NCMAP: variants seen among roughly 807,000 people sequenced by gnomAD.
The protein encoded by NCMAP is non-compact myelin associated protein.
Under a neutral mutation model 7.8 loss-of-function variants are expected in NCMAP, and 8 were observed. That is an observed-to-expected ratio of 1.02 (90% CI 0.60 to 1.84). NCMAP has a LOEUF of 1.84. Ranked by LOEUF, NCMAP falls within the 40% of genes most tolerant of loss-of-function variation. NCMAP has a pLI of 0.00. For missense variants in NCMAP, 112 were observed against 131.4 expected, an observed-to-expected ratio of 0.85 and a Z score of 0.72; for synonymous variants, 41 against 52.9, an observed-to-expected ratio of 0.78 and a Z score of 0.98.
At chr1:24,578,660 T>C (rs1238396220) in intron 1 of NCMAP, among the ~76,000 whole-genome samples, 1 of 149,048 alleles carries the variant, frequency 6.7e-6, no homozygotes, top group Non-Finnish European at 1.5e-5. Context: ...CGTCCTGGGC[T>C]CAAGTGATCC....
rs1652819523 is a variant in NCMAP, at chr1:24,607,988, CT to C, written c.*2242del. The C allele has an allele frequency of 6.6e-6, 1 of 152,224 alleles. No homozygotes were observed. The highest frequency in any genetic ancestry group is 1.9e-4 in the East Asian group (1 of 5,194). The allele number at this position is 152,224 out of a possible 1,614,324, so 9.4% of individuals were successfully genotyped here. Reference sequence around the variant, plus strand: ...TCTGTGGAATAGCTCTGGAGAAATACTGGCACATTCTTCCTCTCTGGTCATT... The same window carrying C: ...TCTGTGGAATAGCTCTGGAGAAATACGGCACATTCTTCCTCTCTGGTCATT... On this transcript the variant is annotated 3_prime_UTR_variant, in exon 4 of 4. Coordinates refer to ENST00000374392, the MANE Select transcript of NCMAP (RefSeq NM_001010980.5).
chr1:24,567,460 C>G (rs1169461894), intron 1 of NCMAP, among the ~76,000 whole-genome samples: 2 of 152,154 alleles, frequency 1.3e-5, no homozygotes, highest in African/African-American at 4.8e-5. Context: ...CACTAGGGCC[C>G]AGGCATTCTG....
chr1:24,579,055 G>T (rs1183412589), intron 1 of NCMAP, among the ~76,000 whole-genome samples: 2 of 152,104 alleles, frequency 1.3e-5, no homozygotes, highest in Non-Finnish European at 2.9e-5. Context: ...GCGGACCTCG[G>T]CATCTTCTTG....
intron 1 of NCMAP, among the ~76,000 whole-genome samples, chr1:24,593,783 A>G (rs1652123681): frequency 6.6e-6 from 1 of 152,008 alleles, no homozygotes; most frequent in South Asian, 2.1e-4. Flanking sequence ...AGCTGGAGTA[A>G]AAGTGCCACT....
chr1:24,603,990 G>A (rs1469836886), intron 3 of NCMAP, among the ~76,000 whole-genome samples: 1 of 152,202 alleles, frequency 6.6e-6, no homozygotes, highest in Non-Finnish European at 1.5e-5. Flanking sequence ...TCTGGCAAGG[G>A]CCTTCTTGCT....
intron 1 of NCMAP, among the ~76,000 whole-genome samples, chr1:24,556,381 G>C (rs1557589727): frequency 6.6e-6 from 1 of 152,180 alleles, no homozygotes; most frequent in African/African-American, 2.4e-5. Flanking sequence ...GGTGGTGGGA[G>C]GGAGGCTGAT....
chr1:24,600,597 T>C (rs745937481), intron 2 of NCMAP, among the ~76,000 whole-genome samples: 5 of 152,230 alleles, frequency 3.3e-5, no homozygotes, highest in Non-Finnish European at 7.3e-5. Context: ...TCTACAAAAA[T>C]CACATGCTAC....
chr1:24,586,613 T>C (rs1204184005), intron 1 of NCMAP, among the ~76,000 whole-genome samples: 1 of 152,046 alleles, frequency 6.6e-6, no homozygotes, highest in Non-Finnish European at 1.5e-5. Flanking sequence ...ATGCAAAAAT[T>C]AGCTGGGCGT....
At chr1:24,581,848 G>A (rs1651756904) in intron 1 of NCMAP, among the ~76,000 whole-genome samples, 1 of 152,218 alleles carries the variant, frequency 6.6e-6, no homozygotes, top group Non-Finnish European at 1.5e-5. Context: ...ATTTGAGATT[G>A]GTTATGAGTT....
intron 3 of NCMAP, among the ~76,000 whole-genome samples, chr1:24,602,569 C>CAAAAAA (rs10630961): frequency 1.4e-3 from 55 of 39,914 alleles, no homozygotes; most frequent in Non-Finnish European, 1.5e-3. Flanking sequence ...GACTCCATCT[C>CAAAAAA]AAAAAAAAAA....
chr1:24,602,375 G>A (rs1465452344), intron 3 of NCMAP, among the ~76,000 whole-genome samples: 2 of 148,882 alleles, frequency 1.3e-5, no homozygotes, highest in Non-Finnish European at 2.9e-5. Flanking sequence ...GAGGTCAGGA[G>A]ATCGAGACCA....
intron 3 of NCMAP, among the ~76,000 whole-genome samples, chr1:24,604,980 G>T (rs531769211): frequency 6.6e-6 from 1 of 151,926 alleles, no homozygotes; most frequent in African/African-American, 2.4e-5. Flanking sequence ...GCTGGGCATG[G>T]TGACAGGTGC....
intron 2 of NCMAP, 60 bp from the exon 3 acceptor site, chr1:24,600,880 G>A (rs1180912438): frequency 9.6e-6 from 14 of 1,461,712 alleles, no homozygotes; most frequent in South Asian, 8.0e-5. Flanking sequence ...ACAGCAGGGC[G>A]CCCTCCTGGT....
chr1:24,605,908 T>A lies in NCMAP; in HGVS notation c.*161T>A, dbSNP rs992977503. The A allele has an allele frequency of 4.5e-5, 38 of 843,122 alleles. No homozygotes were observed. Among genetic ancestry groups the A allele is most frequent in the Non-Finnish European group, 6.9e-5 (38 of 554,380 alleles). 52.2% of individuals were successfully genotyped at this position (843,122 alleles called of 1,614,324 possible). ...ATGCTTCCAGCAATCCTCAACCTTGTCTGCCCTGCCCTACCCCAACTGTGT... is the reference window on the plus strand; with the variant it reads ...ATGCTTCCAGCAATCCTCAACCTTGACTGCCCTGCCCTACCCCAACTGTGT... On this transcript the variant is annotated 3_prime_UTR_variant, in exon 4 of 4. Coordinates refer to ENST00000374392, the MANE Select transcript of NCMAP (RefSeq NM_001010980.5).
At position 24,609,167 on chromosome 1, in the gene NCMAP, G is replaced by A. The variant is rs1309749355; in HGVS notation, c.*3420G>A. 1.3e-5 allele frequency: 2 copies of A among 152,178 alleles called. No individual in the cohort carries two copies. The highest frequency in any genetic ancestry group is 1.9e-4 in the East Asian group (1 of 5,192). 9.4% of individuals were successfully genotyped at this position (152,178 alleles called of 1,614,324 possible). On this transcript the variant is annotated 3_prime_UTR_variant, in exon 4 of 4. Coordinates refer to ENST00000374392, the MANE Select transcript of NCMAP (RefSeq NM_001010980.5). Reference sequence around the variant, plus strand: ...AAGACACAATTGCTGCTCTCAAGGAGTTAGCAGCTGGTCTCATGCAGGGAT... The same window carrying A: ...AAGACACAATTGCTGCTCTCAAGGAATTAGCAGCTGGTCTCATGCAGGGAT...
At chr1:24,564,494 A>G (rs12406232) in intron 1 of NCMAP, among the ~76,000 whole-genome samples, 14,052 of 136,250 alleles carry the variant, frequency 0.1, 966 homozygotes, top group African/African-American at 0.18. Context: ...AGCCTGGGCA[A>G]CAGAGTGAGA....
At chr1:24,578,624 A>G (rs1651660775) in intron 1 of NCMAP, among the ~76,000 whole-genome samples, 1 of 138,978 alleles carries the variant, frequency 7.2e-6, no homozygotes, top group African/African-American at 2.8e-5. Flanking sequence ...GTGCAGTGGT[A>G]CAATCACAGC....
chr1:24,582,751 A>T (rs1570527240), intron 1 of NCMAP, among the ~76,000 whole-genome samples: 2 of 152,354 alleles, frequency 1.3e-5, no homozygotes, highest in East Asian at 3.8e-4. Flanking sequence ...AAGAAGATTA[A>T]TGTGTGTTGT....
At chr1:24,597,660 AAAG>A (rs1652298773) in intron 2 of NCMAP, among the ~76,000 whole-genome samples, 7 of 135,434 alleles carry the variant, frequency 5.2e-5, no homozygotes, top group South Asian at 2.6e-4. Flanking sequence ...AGAAAGAAAG[AAAG>A]AAAGAAAGAA....
Sources: gnomAD v4.1 joint callset for allele counts (sites outside exome capture counted in the v4.1 genomes callset) on GRCh38, gnomAD v4.1.1 for gene constraint, MANE v1.5 for transcripts, NCBI Gene and HGNC (gene_info 2026-07-23, HGNC 2026-07-21) for gene names.